Variants in USP37 observed in about 807,000 individuals in gnomAD.
USP37 encodes ubiquitin carboxyl-terminal hydrolase 37.
A neutral mutation model predicts 124.0 loss-of-function variants in USP37; 27 were observed. That is an observed-to-expected ratio of 0.22 (90% CI 0.16 to 0.30). The LOEUF (loss-of-function observed/expected upper bound fraction) is 0.30. Ranked by LOEUF, USP37 falls within the 10% of genes least tolerant of loss-of-function variation. The pLI, the probability that USP37 is intolerant of heterozygous loss-of-function variation, is 1.00. For synonymous variants in USP37, 365 were observed against 388.0 expected, an observed-to-expected ratio of 0.94 and a Z score of 0.70; for missense variants, 889 against 1,140.4, an observed-to-expected ratio of 0.78 and a Z score of 3.17.
At position 218,495,754 on chromosome 2, in the gene USP37, A is replaced by G; in HGVS notation, c.1472+6T>C. On this transcript the variant is annotated splice_donor_region_variant and intron_variant, in intron 14 of 25. Transcript: ENST00000258399. Reference sequence around the variant, plus strand: ...AAAGGGAAATCATTTCTTAGACACTACTTACGCTTTACAAATGATGGAGTG... The same window carrying G: ...AAAGGGAAATCATTTCTTAGACACTGCTTACGCTTTACAAATGATGGAGTG... The G allele has an allele frequency of 2.5e-6, 4 of 1,606,812 alleles. No homozygotes were observed. The highest frequency in any genetic ancestry group is 3.4e-6 in the Non-Finnish European group (4 of 1,178,146).
chr2:218,558,406 G>A, intron 4 of USP37, 92 bp downstream of exon 4: 1 of 1,105,490 alleles, frequency 9.0e-7, no homozygotes, highest in Admixed American at 2.7e-5. Context: ...TAATCTAGGA[G>A]GAGGGCTACT....
At chr2:218,536,017 C>CAAAAAAAAAA (rs59248363) in intron 8 of USP37, among the ~76,000 whole-genome samples, 6 of 80,830 alleles carry the variant, frequency 7.4e-5, no homozygotes, top group Non-Finnish European at 1.1e-4. Flanking sequence ...GACTTCATCT[C>CAAAAAAAAAA]AAAAAAAAAA....
intron 20 of USP37, among the ~76,000 whole-genome samples, chr2:218,467,169 C>T (rs923037540): frequency 7.3e-5 from 11 of 150,818 alleles, no homozygotes; most frequent in African/African-American, 2.4e-4. Flanking sequence ...TAAGAAATCC[C>T]CTCCCCCCTC....
At chr2:218,546,739 G>A (rs925617415) in intron 7 of USP37, among the ~76,000 whole-genome samples, 180 bp downstream of exon 7, 1 of 152,060 alleles carries the variant, frequency 6.6e-6, no homozygotes, top group Non-Finnish European at 1.5e-5. Flanking sequence ...TTTATATGCT[G>A]TATATTTGTA....
intron 5 of USP37, among the ~76,000 whole-genome samples, chr2:218,551,640 C>G (rs1313143131): frequency 6.6e-6 from 1 of 152,168 alleles, no homozygotes; most frequent in African/African-American, 2.4e-5. Flanking sequence ...ATTGTGCTTT[C>G]CACTCCAGTG....
Position 218,495,608 on chromosome 2 carries a change from G to A in USP37, c.1472+152C>T, listed in dbSNP as rs973823452. The stretch of plus-strand genomic sequence containing the variant: ...GAGATCCAGGCTGCAATAAGCTGGG[G>A]TTGTGCCACTGCACCCAAGAGCCTA... On this transcript the variant is annotated intron_variant, in intron 14 of 25. Coordinates refer to ENST00000258399, the MANE Select transcript of USP37 (RefSeq NM_020935.3). The A allele has an allele frequency of 9.7e-6, 7 of 719,544 alleles. No individual in the cohort carries two copies. The African/African-American group carries it at 1.3e-4, about 13-fold the overall frequency. 44.6% of individuals were successfully genotyped at this position (719,544 alleles called of 1,614,324 possible).
chr2:218,460,629 G>A (rs1426017750), intron 22 of USP37, among the ~76,000 whole-genome samples: 1 of 152,046 alleles, frequency 6.6e-6, no homozygotes, highest in African/African-American at 2.4e-5. Flanking sequence ...AAAGGTCAAT[G>A]TTCTTTTTTT....
At chr2:218,502,808 A>G (rs1689457785) in intron 11 of USP37, among the ~76,000 whole-genome samples, 1 of 152,188 alleles carries the variant, frequency 6.6e-6, no homozygotes, top group Non-Finnish European at 1.5e-5. Flanking sequence ...AACCCAAGGA[A>G]AGAAAGCATG....
intron 18 of USP37, among the ~76,000 whole-genome samples, chr2:218,477,639 G>A (rs745871590): frequency 2.0e-5 from 3 of 152,164 alleles, no homozygotes; most frequent in Non-Finnish European, 2.9e-5. Flanking sequence ...GTCATTTAAT[G>A]TAAAAGCAAA....
At chr2:218,539,688 C>G (rs1480983841) in intron 8 of USP37, among the ~76,000 whole-genome samples, 1 of 151,244 alleles carries the variant, frequency 6.6e-6, no homozygotes, top group Non-Finnish European at 1.5e-5. Flanking sequence ...GCACTCCAGC[C>G]CAGGTAATAG....
At chr2:218,559,772 TG>T (rs1006210670) in intron 3 of USP37, among the ~76,000 whole-genome samples, 30 of 151,992 alleles carry the variant, frequency 2.0e-4, no homozygotes, top group Admixed American at 3.3e-4. Context: ...AAGGATGAGG[TG>T]GGCAGACTGC....
intron 8 of USP37, among the ~76,000 whole-genome samples, chr2:218,539,096 T>C (rs566336632): frequency 2.6e-5 from 4 of 152,136 alleles, no homozygotes; most frequent in South Asian, 2.1e-4. Flanking sequence ...GCCTCCCAAG[T>C]AGCTGGGATG....
At position 218,566,402 on chromosome 2, in the gene USP37, G is replaced by T. The variant is rs189074191; in HGVS notation, c.-230+1776C>A. On this transcript the variant is annotated intron_variant, in intron 1 of 25. Coordinates refer to ENST00000258399, the MANE Select transcript of USP37 (RefSeq NM_020935.3). ...TCTTGTGAACCACAGTAAAGATTCC[G>T]AATTTTATCCTAAATGTAACAAGCA... 2.0e-5 allele frequency among the ~76,000 whole-genome samples: 3 copies of T among 152,288 alleles called. No individual in the cohort carries two copies. In the East Asian group the frequency reaches 5.8e-4, roughly 29 times the overall value.
intron 20 of USP37, 90 bp from the exon 21 acceptor site, chr2:218,466,266 T>A: frequency 7.4e-7 from 1 of 1,356,950 alleles, no homozygotes; most frequent in Non-Finnish European, 1.0e-6. Flanking sequence ...ATAAAGCAAT[T>A]TACCCTAATT....
chr2:218,471,600 C>T (rs2106416002), intron 20 of USP37, among the ~76,000 whole-genome samples: 1 of 152,278 alleles, frequency 6.6e-6, no homozygotes, highest in Non-Finnish European at 1.5e-5. Context: ...AATTTTTATT[C>T]CTCCCTTGTC....
intron 23 of USP37, among the ~76,000 whole-genome samples, chr2:218,458,030 ACT>A (rs1487190718): frequency 7.9e-5 from 10 of 126,862 alleles, no homozygotes; most frequent in Non-Finnish European, 1.3e-4. Context: ...ACAGAGCAAG[ACT>A]CTGTCTCAAA....
intron 14 of USP37, among the ~76,000 whole-genome samples, chr2:218,492,833 C>A (rs757055388): frequency 6.6e-6 from 1 of 151,996 alleles, no homozygotes; most frequent in Non-Finnish European, 1.5e-5. Flanking sequence ...AGTGAGAGCC[C>A]GTCTCTAGAA....
chr2:218,485,504 C>T (rs1691504145), intron 16 of USP37, among the ~76,000 whole-genome samples, 160 bp downstream of exon 16: 1 of 152,038 alleles, frequency 6.6e-6, no homozygotes. Context: ...ACACTCTGCA[C>T]ATTTCAGCTT....
chr2:218,549,036 G>C (rs1692523379), intron 6 of USP37, among the ~76,000 whole-genome samples: 1 of 152,132 alleles, frequency 6.6e-6, no homozygotes, highest in Admixed American at 6.5e-5. Context: ...TATAGTGGGA[G>C]AAAACATATC....
Sources: gnomAD v4.1 joint callset for allele counts (sites outside exome capture counted in the v4.1 genomes callset) on GRCh38, gnomAD v4.1.1 for gene constraint, MANE v1.5 for transcripts, NCBI Gene and HGNC (gene_info 2026-07-23, HGNC 2026-07-21) for gene names.